The following FCHSD2 variants were observed in gnomAD, a reference collection of about 807,000 sequenced individuals.
FCHSD2 encodes the protein F-BAR and double SH3 domains protein 2.
A neutral mutation model predicts 108.1 loss-of-function variants in FCHSD2; 38 were observed. The observed-to-expected ratio is 0.35, with a 90% CI of 0.27 to 0.46. The LOEUF is 0.46. Ranked by LOEUF, FCHSD2 falls within the 20% of genes least tolerant of loss-of-function variation. The pLI is 1.00. For synonymous variants in FCHSD2, 279 were observed against 314.7 expected (o/e 0.89, Z 1.20); for missense variants, 751 against 897.8 (o/e 0.84, Z 2.09).
At chr11:73,113,991 C>CTT (rs1860551903) in intron 2 of FCHSD2, among the ~76,000 whole-genome samples, 1 of 152,072 alleles carries the variant, frequency 6.6e-6, no homozygotes, top group Non-Finnish European at 1.5e-5. Flanking sequence ...GGTGATAAAG[C>CTT]AAGCTGGGCC....
chr11:73,114,111 T>C (rs1399683866), intron 2 of FCHSD2, among the ~76,000 whole-genome samples: 1 of 151,896 alleles, frequency 6.6e-6, no homozygotes, highest in Non-Finnish European at 1.5e-5. Context: ...TGATGCTCTA[T>C]TCTACTGCAG....
In FCHSD2 at chr11:72,838,777, G is replaced by A; in HGVS notation, c.*14C>T. The A allele has an allele frequency of 6.3e-7, 1 of 1,587,834 alleles. No individual in the cohort carries two copies. Among genetic ancestry groups the A allele is most frequent in the Non-Finnish European group, 8.6e-7 (1 of 1,167,118 alleles). On this transcript the variant is annotated 3_prime_UTR_variant, in exon 20 of 20. Transcript: ENST00000409418. The stretch of plus-strand genomic sequence containing the variant: ...GGCCTTGATTGTAGCAGTAATGGAT[G>A]GGCAAGCCCATCATCACACCAGTGT...
intron 4 of FCHSD2, among the ~76,000 whole-genome samples, chr11:73,004,797 C>T (rs1212022423): frequency 6.6e-6 from 1 of 152,174 alleles, no homozygotes; most frequent in East Asian, 1.9e-4. Context: ...TAGTGCTACC[C>T]AGCAAGGGTA....
At chr11:73,011,626 C>A (rs1857865896) in intron 4 of FCHSD2, among the ~76,000 whole-genome samples, 2 of 152,138 alleles carry the variant, frequency 1.3e-5, no homozygotes, top group Admixed American at 1.3e-4. Flanking sequence ...CCAGCATGAG[C>A]TCCCTTCTTG....
intron 2 of FCHSD2, among the ~76,000 whole-genome samples, chr11:73,129,686 G>A (rs1860947235): frequency 6.6e-6 from 1 of 152,022 alleles, no homozygotes; most frequent in South Asian, 2.1e-4. Flanking sequence ...GGAATAAAGT[G>A]CACAATAAAT....
chr11:72,844,338 A>T (rs1196630344), intron 14 of FCHSD2, among the ~76,000 whole-genome samples: 1 of 152,212 alleles, frequency 6.6e-6, no homozygotes, highest in Non-Finnish European at 1.5e-5. Flanking sequence ...ACTGTAAAGC[A>T]GTGGCCAAAA....
intron 13 of FCHSD2, among the ~76,000 whole-genome samples, chr11:72,850,615 A>G (rs1303513583): frequency 6.6e-6 from 1 of 151,896 alleles, no homozygotes. Flanking sequence ...AGCCTCCCAA[A>G]GTGCTGGGAT....
intron 3 of FCHSD2, among the ~76,000 whole-genome samples, chr11:73,034,688 A>G (rs755857688): frequency 2.0e-5 from 3 of 152,200 alleles, no homozygotes; most frequent in Admixed American, 6.5e-5. Context: ...AAGTTTCCCA[A>G]TTTTTTTCAA....
chr11:72,937,634 C>T lies in FCHSD2; in HGVS notation c.706-15684G>A, dbSNP rs539341086. On this transcript the variant is annotated intron_variant, in intron 8 of 19. Coordinates refer to ENST00000409418, the MANE Select transcript of FCHSD2 (RefSeq NM_014824.3). ...CTGGGAATATAGGCGTGAGCCACCG[C>T]GCCTGGCCAAAATATTTTTTTAGAA... 1.2e-3 allele frequency among the ~76,000 whole-genome samples: 186 copies of T among 152,250 alleles called. 1 individual carries two copies. Among genetic ancestry groups the T allele is most frequent in the Non-Finnish European group, 2.0e-3 (133 of 68,026 alleles).
At chr11:73,003,935 C>T (rs763770597) in intron 4 of FCHSD2, among the ~76,000 whole-genome samples, 30 of 150,988 alleles carry the variant, frequency 2.0e-4, no homozygotes, top group East Asian at 4.0e-4. Context: ...GGTGAAATCC[C>T]GTCTCTACTG....
intron 5 of FCHSD2, among the ~76,000 whole-genome samples, chr11:72,999,866 G>GAC (rs138484535): frequency 0.037 from 5,635 of 150,364 alleles, 344 homozygotes; most frequent in African/African-American, 0.13. Flanking sequence ...TGCACAATCA[G>GAC]ACACACACAC....
At chr11:72,986,118 C>T (rs1857306019) in intron 6 of FCHSD2, among the ~76,000 whole-genome samples, 1 of 152,298 alleles carries the variant, frequency 6.6e-6, no homozygotes, top group South Asian at 2.1e-4. Context: ...AACACATATG[C>T]AGCCCAACTA....
chr11:73,053,795 T>C (rs915904593), intron 3 of FCHSD2, among the ~76,000 whole-genome samples: 15 of 152,210 alleles, frequency 9.9e-5, no homozygotes, highest in African/African-American at 3.6e-4. Flanking sequence ...AGCGATTCTC[T>C]ATATTAATAG....
chr11:73,023,237 C>T (rs1230563072), intron 3 of FCHSD2, among the ~76,000 whole-genome samples: 2 of 151,790 alleles, frequency 1.3e-5, no homozygotes, highest in Admixed American at 6.6e-5. Context: ...AAAGACACTA[C>T]AAAGAGAATA....
chr11:72,842,735 A>C lies in FCHSD2; in HGVS notation c.1812T>G (p.Asp604Glu). Residue 604 changes from aspartate to glutamate, a missense_variant, in exon 17 of 20, where the codon GAT becomes GAG. Asp to Glu is a conservative substitution (Grantham distance 45). Transcript: ENST00000409418. ...IRILNKENQD[D>E]DGFWEGEFNG... The stretch of plus-strand genomic sequence containing the variant: ...TGAATTCCCCTTCCCAGAAGCCATC[A>C]TCATCTTGGTTTTCTTTGTTCAAGA... The C allele has an allele frequency of 1.2e-6, 2 of 1,613,982 alleles. No homozygotes were observed. The highest frequency in any genetic ancestry group is 8.5e-7 in the Non-Finnish European group (1 of 1,179,884).
At chr11:72,909,451 C>T (rs539422421) in intron 9 of FCHSD2, among the ~76,000 whole-genome samples, 43 of 152,236 alleles carry the variant, frequency 2.8e-4, no homozygotes, top group African/African-American at 9.9e-4. Flanking sequence ...TCTGCCCAGC[C>T]GCCACCCCAT....
At chr11:72,996,971 G>C (rs958889366) in intron 5 of FCHSD2, among the ~76,000 whole-genome samples, 1 of 152,184 alleles carries the variant, frequency 6.6e-6, no homozygotes, top group Non-Finnish European at 1.5e-5. Flanking sequence ...ATTTTTACGA[G>C]ACTGGGGAGA....
intron 2 of FCHSD2, among the ~76,000 whole-genome samples, chr11:73,099,799 A>G (rs1860174880): frequency 6.6e-6 from 1 of 152,198 alleles, no homozygotes; most frequent in Admixed American, 6.5e-5. Flanking sequence ...CTGTGGCTAG[A>G]AAGAGTGCGA....
At chr11:73,058,630 C>G (rs1342002640) in intron 3 of FCHSD2, among the ~76,000 whole-genome samples, 1 of 143,564 alleles carries the variant, frequency 7.0e-6, no homozygotes, top group African/African-American at 2.6e-5. Context: ...GAGTCTTGCT[C>G]TGTCGCCCAG....
Sources: allele counts gnomAD v4.1 joint callset (sites outside exome capture counted in the v4.1 genomes callset), GRCh38; gene constraint gnomAD v4.1.1; transcripts MANE v1.5; gene names NCBI Gene and HGNC (gene_info 2026-07-23, HGNC 2026-07-21).